The following RAB3GAP1 variants were observed in gnomAD, a reference collection of about 807,000 sequenced individuals.
RAB3GAP1 encodes the protein RAB3 GTPase activating protein catalytic subunit 1, also known as rab3 GTPase-activating protein catalytic subunit.
Under a neutral mutation model 130.7 loss-of-function variants are expected in RAB3GAP1, and 86 were observed. The observed-to-expected ratio is 0.66, with a 90% CI of 0.55 to 0.79. RAB3GAP1 has a LOEUF of 0.79. Among genes scored for constraint, RAB3GAP1 ranks in the 30% least tolerant of loss-of-function variants. The pLI is 0.00. For missense variants in RAB3GAP1, 1,029 were observed against 1,169.4 expected (o/e 0.88, Z 1.75); for synonymous variants, 367 against 401.7 (o/e 0.91, Z 1.03).
intron 3 of RAB3GAP1, among the ~76,000 whole-genome samples, chr2:135,065,918 G>C (rs571839422): frequency 6.6e-6 from 1 of 151,838 alleles, no homozygotes; most frequent in Non-Finnish European, 1.5e-5. Context: ...CTACAGGTGT[G>C]CGCCACCATG....
chr2:135,144,357 G>C (rs1691935356), intron 17 of RAB3GAP1, among the ~76,000 whole-genome samples: 1 of 152,220 alleles, frequency 6.6e-6, no homozygotes, highest in Admixed American at 6.5e-5. Context: ...GCTGGGTCCA[G>C]AGCTTTTATG....
chr2:135,083,778 T>TG (rs1024523060), intron 3 of RAB3GAP1, among the ~76,000 whole-genome samples: 7 of 150,054 alleles, frequency 4.7e-5, no homozygotes, highest in South Asian at 2.1e-4. Flanking sequence ...TTTTTTTTTT[T>TG]TTTTTTTTTT....
At chr2:135,135,142 T>A (rs570393178) in intron 15 of RAB3GAP1, 123 bp from the exon 16 acceptor site, 176 of 786,188 alleles carry the variant, frequency 2.2e-4, no homozygotes, top group Non-Finnish European at 2.4e-4. Flanking sequence ...TTACCTTACC[T>A]GTGGAAATCT....
In RAB3GAP1 at chr2:135,064,755, GT is replaced by G. The variant is rs746093269; in HGVS notation, c.150+6684del. Among the ~76,000 whole-genome samples the G allele has an allele frequency of 7.1e-3, 747 of 104,902 alleles. 5 individuals are homozygous for G. The highest frequency in any genetic ancestry group is 0.055 in the East Asian group (198 of 3,574). 68.8% of individuals were successfully genotyped at this position (104,902 alleles called of 152,430 possible). A position where few individuals can be genotyped will look rare whatever the true frequency, so the allele number is the denominator to read the frequency against. ...TTTTGTTTTTTTCCTGAGGTGTTTTGTTTTTTTTTTTTTTTGATATGTGTAT... is the reference window on the plus strand; with the variant it reads ...TTTTGTTTTTTTCCTGAGGTGTTTTGTTTTTTTTTTTTTTGATATGTGTAT... On this transcript the variant is annotated intron_variant, in intron 3 of 23. Transcript: ENST00000264158.
chr2:135,089,445 G>T (rs1015215208), intron 3 of RAB3GAP1, among the ~76,000 whole-genome samples: 42 of 151,016 alleles, frequency 2.8e-4, no homozygotes, highest in Admixed American at 2.6e-3. Flanking sequence ...AGCTTAATGG[G>T]GATAGCATTG....
Position 135,133,905 on chromosome 2 carries a change from A to G in RAB3GAP1, c.1371A>G (p.Thr457=), listed in dbSNP as rs1390910448. 1 of 1,613,880 alleles carries G rather than the reference A, an allele frequency of 6.2e-7. No individual in the cohort carries two copies. The highest frequency in any genetic ancestry group is 8.5e-7 in the Non-Finnish European group (1 of 1,179,780). The part of the protein sequence containing the change: ...QFKSAPSDSL[T]YKLALCLCMI... ...AGTCTGCACCATCTGACAGTTTAAC[A>G]TACAAACTGGCTTTGTGTCTCTGTA... Residue 457 remains threonine (T), a synonymous_variant, in exon 15 of 24, where the codon ACA becomes ACG. Transcript: ENST00000264158.
intron 3 of RAB3GAP1, among the ~76,000 whole-genome samples, chr2:135,086,619 G>C (rs1426608918): frequency 7.1e-6 from 1 of 140,716 alleles, no homozygotes; most frequent in African/African-American, 2.6e-5. Context: ...GCTTTTTCAG[G>C]TATGTATTTT....
At chr2:135,162,674 C>T (rs1692498607) in intron 20 of RAB3GAP1, 23 bp downstream of exon 20, 2 of 1,603,822 alleles carry the variant, frequency 1.2e-6, no homozygotes, top group East Asian at 4.5e-5. Flanking sequence ...TTTAACTAGT[C>T]ATTAGTCATT....
Position 135,091,054 on chromosome 2 carries a change from C to T in RAB3GAP1, c.207C>T (p.Asp69=), listed in dbSNP as rs1243670548. 2 of 1,609,848 alleles carry T rather than the reference C, an allele frequency of 1.2e-6. No homozygotes were observed. The highest frequency in any genetic ancestry group is 1.1e-5 in the South Asian group (1 of 90,990). ...AATCAGATGAAATTTCCTTTGCTGA[C>T]TTCAAGTTCTCAGTCACTCATCATT... ...EEKSDEISFA[D]FKFSVTHHYL... Residue 69 remains aspartate, a synonymous_variant, in exon 4 of 24, where the codon GAC becomes GAT. Coordinates refer to ENST00000264158, the MANE Select transcript of RAB3GAP1 (RefSeq NM_012233.3).
At chr2:135,087,338 TATTC>T (rs1690017244) in intron 3 of RAB3GAP1, among the ~76,000 whole-genome samples, 1 of 152,256 alleles carries the variant, frequency 6.6e-6, no homozygotes, top group Admixed American at 6.5e-5. Flanking sequence ...GTAGTATACT[TATTC>T]ATCAAAATTA....
intron 13 of RAB3GAP1, 87 bp from the exon 14 acceptor site, chr2:135,132,808 A>T: frequency 1.2e-6 from 1 of 812,476 alleles, no homozygotes; most frequent in Non-Finnish European, 2.1e-6. Flanking sequence ...ACCATTAAAA[A>T]GTTAAATAAT....
chr2:135,130,482 C>A, intron 12 of RAB3GAP1, 70 bp from the exon 13 acceptor site: 1 of 1,265,862 alleles, frequency 7.9e-7, no homozygotes, highest in East Asian at 2.3e-5. Context: ...ATATAATCAT[C>A]AATTTGTTCA....
chr2:135,083,526 T>TAA (rs1689887121), intron 3 of RAB3GAP1, among the ~76,000 whole-genome samples: 2 of 152,096 alleles, frequency 1.3e-5, no homozygotes, highest in African/African-American at 2.4e-5. Flanking sequence ...AGTGCTACAA[T>TAA]CATAGTTTAC....
intron 5 of RAB3GAP1, among the ~76,000 whole-genome samples, chr2:135,111,485 A>AT (rs986238011): frequency 6.6e-6 from 1 of 152,142 alleles, no homozygotes; most frequent in South Asian, 2.1e-4. Flanking sequence ...CTTTATGATA[A>AT]TTTTTTAACC....
intron 3 of RAB3GAP1, among the ~76,000 whole-genome samples, chr2:135,083,614 A>G (rs1227525440): frequency 2.6e-5 from 4 of 151,670 alleles, no homozygotes; most frequent in African/African-American, 9.7e-5. Flanking sequence ...GGCATGTACC[A>G]ACACATTAAA....
intron 5 of RAB3GAP1, among the ~76,000 whole-genome samples, chr2:135,098,446 A>G (rs1412308952): frequency 6.6e-6 from 1 of 152,206 alleles, no homozygotes; most frequent in Non-Finnish European, 1.5e-5. Context: ...ATCAATTTTT[A>G]ATTTTAGGGA....
At chr2:135,081,328 ATATAT>A (rs1410665700) in intron 3 of RAB3GAP1, among the ~76,000 whole-genome samples, 5 of 55,390 alleles carry the variant, frequency 9.0e-5, no homozygotes, top group African/African-American at 5.3e-4. Context: ...AAAAAAAAAA[ATATAT>A]ATATATATAT....
rs548657838 is a variant in RAB3GAP1, at chr2:135,098,116, G to A, written c.362+4423G>A. ...CTAATTTTAATTTTGAACATCTTTCGTGTGTTTATTTGTCCATTTATATCT... is the reference window on the plus strand; with the variant it reads ...CTAATTTTAATTTTGAACATCTTTCATGTGTTTATTTGTCCATTTATATCT... On this transcript the variant is annotated intron_variant, in intron 5 of 23. Coordinates refer to ENST00000264158, the MANE Select transcript of RAB3GAP1 (RefSeq NM_012233.3). Among the ~76,000 whole-genome samples the A allele has an allele frequency of 1.2e-4, 19 of 152,178 alleles. 1 individual carries two copies. The Middle Eastern group carries it at 0.01, about 82-fold the overall frequency.
intron 5 of RAB3GAP1, among the ~76,000 whole-genome samples, chr2:135,109,988 A>T (rs1005292477): frequency 6.6e-6 from 1 of 151,540 alleles, no homozygotes; most frequent in African/African-American, 2.4e-5. Context: ...TTTTTTTTTT[A>T]AAGCTCCCAC....
Sources: gnomAD v4.1 joint callset for allele counts (sites outside exome capture counted in the v4.1 genomes callset) on GRCh38, gnomAD v4.1.1 for gene constraint, MANE v1.5 for transcripts, NCBI Gene and HGNC (gene_info 2026-07-23, HGNC 2026-07-21) for gene names.